Variants in LARP4B observed in about 807,000 individuals in gnomAD.
LARP4B encodes La ribonucleoprotein 4B.
LARP4B carries 12 observed loss-of-function variants against 89.8 expected under a neutral mutation model. That is an observed-to-expected ratio of 0.13 (90% CI 0.09 to 0.22). The LOEUF (loss-of-function observed/expected upper bound fraction) is 0.22. Among genes scored for constraint, LARP4B ranks in the 10% least tolerant of loss-of-function variants. The pLI is 1.00. For synonymous variants in LARP4B, 367 were observed against 363.3 expected, an observed-to-expected ratio of 1.01 and a Z score of -0.12; for missense variants, 757 against 947.7, an observed-to-expected ratio of 0.80 and a Z score of 2.64.
chr10:922,888 C>T (rs1837023083), intron 1 of LARP4B, among the ~76,000 whole-genome samples: 2 of 152,106 alleles, frequency 1.3e-5, no homozygotes, highest in African/African-American at 4.8e-5. Context: ...TCCTGGCTAA[C>T]ATGGTGAAAC....
intron 1 of LARP4B, among the ~76,000 whole-genome samples, chr10:886,541 A>G (rs995317392): frequency 6.6e-6 from 1 of 152,184 alleles, no homozygotes; most frequent in African/African-American, 2.4e-5. Flanking sequence ...AGACATAGAA[A>G]CCACATAGTT....
the LARP4B span, among the ~76,000 whole-genome samples, chr10:937,842 C>T: frequency 6.6e-6 from 1 of 152,176 alleles, no homozygotes; most frequent in Non-Finnish European, 1.5e-5. Context: ...GAAACATTCG[C>T]TGTGATTAAC....
At chr10:962,240 G>T in the LARP4B span, among the ~76,000 whole-genome samples, 1 of 144,970 alleles carries the variant, frequency 6.9e-6, no homozygotes, top group African/African-American at 2.6e-5. Context: ...AGGTTGCAGT[G>T]AGCCAAGATC....
chr10:898,658 G>A (rs1025918119), intron 1 of LARP4B, among the ~76,000 whole-genome samples: 2 of 152,162 alleles, frequency 1.3e-5, no homozygotes, highest in African/African-American at 4.8e-5. Context: ...GGTACGAAAG[G>A]GTAATGTGAA....
At chr10:807,822 C>CCCTT (rs1831609699), downstream of LARP4B, 1 of 152,364 alleles carries the variant, frequency 6.6e-6, no homozygotes, top group African/African-American at 2.4e-5. Context: ...TTAGGCTGTG[C>CCCTT]CCTTCCTTCC....
chr10:885,588 C>G lies in LARP4B; in HGVS notation c.81+53G>C, dbSNP rs1030963357. On this transcript the variant is annotated intron_variant, in intron 2 of 17. Transcript: ENST00000316157. ...CTCCTTACTAACTCCAATATAGAGT[C>G]CTTTATCAAAAAAAGCAATGGACTC... 3 of 1,331,966 alleles carry G rather than the reference C, an allele frequency of 2.3e-6. No homozygotes were observed. In the African/African-American group the frequency reaches 4.4e-5, roughly 19 times the overall value. The allele number at this position is 1,331,966 out of a possible 1,614,324, so 82.5% of individuals were successfully genotyped here. A position where few individuals can be genotyped will look rare whatever the true frequency, so the allele number is the denominator to read the frequency against.
chr10:958,803 C>T, the LARP4B span, among the ~76,000 whole-genome samples: 19 of 152,344 alleles, frequency 1.2e-4, no homozygotes, highest in African/African-American at 2.2e-4. Flanking sequence ...TGGGGGTCCA[C>T]GTGGAGTCAC....
At chr10:831,639 G>T (rs1423463406) in intron 8 of LARP4B, among the ~76,000 whole-genome samples, 1 of 152,190 alleles carries the variant, frequency 6.6e-6, no homozygotes, top group Non-Finnish European at 1.5e-5. Context: ...GGCCACAGTG[G>T]AAAACTCTCC....
chr10:925,660 A>C (rs11253518), intron 1 of LARP4B, among the ~76,000 whole-genome samples: 19,334 of 152,036 alleles, frequency 0.13, 1,617 homozygotes, highest in Non-Finnish European at 0.19. Context: ...CAGCCTCCCA[A>C]GTAGCTGGGA....
At chr10:936,100 G>A (rs1830745756), upstream of LARP4B, among the ~76,000 whole-genome samples, 1 of 152,088 alleles carries the variant, frequency 6.6e-6, no homozygotes, top group African/African-American at 2.4e-5. Flanking sequence ...TAGCCGCATT[G>A]CTCAAAAATT....
intron 5 of LARP4B, among the ~76,000 whole-genome samples, chr10:855,626 G>T (rs933048801): frequency 1.3e-5 from 2 of 152,028 alleles, no homozygotes; most frequent in Admixed American, 6.6e-5. Flanking sequence ...AAAGATCATC[G>T]ATCACCACTA....
chr10:889,637 T>C (rs944761290), intron 1 of LARP4B, among the ~76,000 whole-genome samples: 2 of 152,300 alleles, frequency 1.3e-5, no homozygotes, highest in South Asian at 4.1e-4. Flanking sequence ...GTCTAGACAC[T>C]AAACTTCACA....
intron 8 of LARP4B, among the ~76,000 whole-genome samples, chr10:831,799 T>A (rs1250544690): frequency 6.6e-6 from 1 of 152,154 alleles, no homozygotes; most frequent in Non-Finnish European, 1.5e-5. Flanking sequence ...TCAAGAATAT[T>A]TATTAGAATA....
At chr10:852,882 T>C (rs945659366) in intron 5 of LARP4B, among the ~76,000 whole-genome samples, 1 of 152,058 alleles carries the variant, frequency 6.6e-6, no homozygotes, top group African/African-American at 2.4e-5. Flanking sequence ...CACCAAAAAA[T>C]ATAAAATACT....
intron 15 of LARP4B, 108 bp from the exon 16 acceptor site, chr10:815,178 G>T: frequency 7.5e-7 from 1 of 1,327,284 alleles, no homozygotes; most frequent in Non-Finnish European, 1.0e-6. Context: ...GCAGCACAAG[G>T]ACATAGGGGA....
chr10:986,128 A>G, the LARP4B span: 8,316 of 152,286 alleles, frequency 0.055, 410 homozygotes, highest in African/African-American at 0.13. Flanking sequence ...TGTACCTTTC[A>G]TCCATCAGAA....
rs1232370761 is a variant in LARP4B, at chr10:842,967, C to T, written c.611G>A (p.Ser204Asn). The T allele has an allele frequency of 1.2e-6, 2 of 1,614,112 alleles. No individual in the cohort carries two copies. The highest frequency in any genetic ancestry group is 2.2e-5 in the East Asian group (1 of 44,882). Reference sequence around the variant, plus strand: ...TTCCACAATCAAGTCCACATCAGTGCTGAGCTTCTTGATGTGGTCGAGGTT... The same window carrying T: ...TTCCACAATCAAGTCCACATCAGTGTTGAGCTTCTTGATGTGGTCGAGGTT... Reference protein sequence around the residue: ...VANLDHIKKLSTDVDLIVEVL... With the variant: ...VANLDHIKKLNTDVDLIVEVL... The change falls in exon 7 of 18, where the codon AGC (serine) becomes AAC (asparagine). Residue 204 changes from serine (S) to asparagine (N), a missense_variant. Physicochemically the swap from Ser to Asn is conservative, Grantham distance 46 (BLOSUM62 1). This residue lies in a region of LARP4B where 54 missense variants were observed against 96.0 expected (regional missense o/e 0.56). Coordinates refer to ENST00000316157, the MANE Select transcript of LARP4B (RefSeq NM_015155.3).
chr10:836,690 GAGCCATAATGTATGTAACACT>G (rs1833237955), intron 7 of LARP4B, among the ~76,000 whole-genome samples, 184 bp from the exon 8 acceptor site: 2 of 152,286 alleles, frequency 1.3e-5, no homozygotes, highest in Admixed American at 6.5e-5. Flanking sequence ...AATCCTGCAG[GAGCCATAATGTATGTAACACT>G]ATGAAACAAA....
At chr10:829,964 G>T (rs1034018773) in intron 9 of LARP4B, among the ~76,000 whole-genome samples, 1 of 152,290 alleles carries the variant, frequency 6.6e-6, no homozygotes, top group Non-Finnish European at 1.5e-5. Flanking sequence ...ACACAATTTT[G>T]TAAGTATTAA....
Sources: gnomAD v4.1 joint callset for allele counts (sites outside exome capture counted in the v4.1 genomes callset) on GRCh38, gnomAD v4.1.1 for gene constraint, gnomAD v4.1.1 regional missense constraint, MANE v1.5 for transcripts, NCBI Gene and HGNC (gene_info 2026-07-23, HGNC 2026-07-21) for gene names.